The following TRIO variants were observed in gnomAD, a reference collection of about 807,000 sequenced individuals.
The protein encoded by TRIO is trio Rho guanine nucleotide exchange factor.
Under a neutral mutation model 351.9 loss-of-function variants are expected in TRIO, and 58 were observed. That is an observed-to-expected ratio of 0.16 (90% CI 0.13 to 0.21). The LOEUF (loss-of-function observed/expected upper bound fraction) is 0.21, where lower values mean the gene tolerates loss of function less well. Among genes scored for constraint, TRIO ranks in the 10% least tolerant of loss-of-function variants. The pLI is 1.00. For missense variants in TRIO, 3,201 were observed against 4,027.8 expected, an observed-to-expected ratio of 0.79 and a Z score of 5.56; for synonymous variants, 1,758 against 1,595.7, an observed-to-expected ratio of 1.10 and a Z score of -2.42.
At chr5:14,197,834 C>A (rs192434844) in intron 1 of TRIO, among the ~76,000 whole-genome samples, 1 of 152,280 alleles carries the variant, frequency 6.6e-6, no homozygotes, top group East Asian at 1.9e-4. Flanking sequence ...AGGAAAGGAA[C>A]CCTGAATATA....
chr5:14,470,587 A>G (rs1353095751), intron 37 of TRIO, among the ~76,000 whole-genome samples: 1 of 152,264 alleles, frequency 6.6e-6, no homozygotes, highest in Non-Finnish European at 1.5e-5. Flanking sequence ...TTCAACTTAC[A>G]GATTTGCTGA....
intron 33 of TRIO, 143 bp from the exon 34 acceptor site, chr5:14,419,635 G>C: frequency 1.9e-6 from 2 of 1,046,038 alleles, no homozygotes; most frequent in Non-Finnish European, 2.8e-6. Context: ...CATACGGAGA[G>C]TGCAGTGATC....
At chr5:14,204,946 T>A (rs1024762094) in intron 1 of TRIO, among the ~76,000 whole-genome samples, 1 of 152,114 alleles carries the variant, frequency 6.6e-6, no homozygotes, top group African/African-American at 2.4e-5. Context: ...TAGTCAGGGG[T>A]GTTTCTAGCC....
chr5:14,342,561 C>T (rs1742034723), intron 11 of TRIO, among the ~76,000 whole-genome samples: 1 of 152,228 alleles, frequency 6.6e-6, no homozygotes, highest in Admixed American at 6.5e-5. Flanking sequence ...CTCTCTGCAG[C>T]CACAGAACAC....
chr5:14,377,961 G>A, intron 19 of TRIO, 51 bp from the exon 20 acceptor site: 1 of 1,432,742 alleles, frequency 7.0e-7, no homozygotes, highest in Non-Finnish European at 9.7e-7. Context: ...TTTCGCGGTT[G>A]TTTTAATTGA....
At chr5:14,504,216 A>G (rs1757494693) in intron 54 of TRIO, among the ~76,000 whole-genome samples, 177 bp from the exon 55 acceptor site, 1 of 152,202 alleles carries the variant, frequency 6.6e-6, no homozygotes, top group Middle Eastern at 3.2e-3. Flanking sequence ...CTGCGGGGAC[A>G]AGGGCAGATT....
At chr5:14,465,921 T>C (rs1411710883) in intron 37 of TRIO, 1 of 366,452 alleles carries the variant, frequency 2.7e-6, no homozygotes, top group African/African-American at 2.0e-5. Flanking sequence ...AGGGAGTGCC[T>C]GGTTCAAGCT....
In TRIO at chr5:14,461,192, G is replaced by A; in HGVS notation, c.5377G>A (p.Val1793Met). Residue 1793 changes from valine to methionine, a missense_variant, in exon 35 of 57, where the codon GTG becomes ATG. Physicochemically the swap from Val to Met is conservative, Grantham distance 21. Transcript: ENST00000344204. Reference sequence around the variant, plus strand: ...CAGCAGCGGCAAGGCCGACGGGCACGTGAAGAAGCTGGCGCACAAGCACAA... The same window carrying A: ...CAGCAGCGGCAAGGCCGACGGGCACATGAAGAAGCTGGCGCACAAGCACAA... ...RLSSGKADGH[V>M]KKLAHKHKKS... The A allele has an allele frequency of 2.6e-6, 4 of 1,563,946 alleles. No individual in the cohort carries two copies. Among genetic ancestry groups the A allele is most frequent in the Non-Finnish European group, 3.5e-6 (4 of 1,155,002 alleles).
chr5:14,391,884 T>C (rs1747114327), intron 27 of TRIO, among the ~76,000 whole-genome samples: 2 of 152,234 alleles, frequency 1.3e-5, no homozygotes, highest in South Asian at 4.1e-4. Context: ...TCCTGACCAT[T>C]ACATTACACA....
At chr5:14,299,351 C>T (rs1251567943) in intron 7 of TRIO, among the ~76,000 whole-genome samples, 1 of 152,116 alleles carries the variant, frequency 6.6e-6, no homozygotes, top group Admixed American at 6.5e-5. Flanking sequence ...TGTACGGTGG[C>T]CAGAGAAGAA....
At chr5:14,425,413 C>CT (rs1384573226) in intron 34 of TRIO, among the ~76,000 whole-genome samples, 1 of 152,200 alleles carries the variant, frequency 6.6e-6, no homozygotes, top group Non-Finnish European at 1.5e-5. Context: ...TGAATAGCAT[C>CT]CCCTTGTATG....
chr5:14,497,111 C>T lies in TRIO; in HGVS notation c.8019+94C>T. On this transcript the variant is annotated intron_variant, in intron 50 of 56. Transcript: ENST00000344204. This position sits in a 1 kb window ranked among gnomAD's most constrained non-coding sequence, Gnocchi z 4.4. ...CTCTGCAGACCTGAAGCTGGGCTTG[C>T]TTATGACCTCCCTCCCACCCACCAG... is the stretch of plus-strand genomic sequence containing the variant. The T allele has an allele frequency of 6.6e-7, 1 of 1,518,982 alleles. No homozygotes were observed. The highest frequency in any genetic ancestry group is 2.4e-5 in the East Asian group (1 of 41,846). The allele number at this position is 1,518,982 out of a possible 1,614,324, so 94.1% of individuals were successfully genotyped here. A position where few individuals can be genotyped will look rare whatever the true frequency, so the allele number is the denominator to read the frequency against.
chr5:14,368,390 A>T (rs1298707637), intron 16 of TRIO, among the ~76,000 whole-genome samples: 1 of 152,204 alleles, frequency 6.6e-6, no homozygotes, highest in African/African-American at 2.4e-5. Flanking sequence ...AACTTGGAAC[A>T]TTTCAACCAC....
At chr5:14,258,600 C>G (rs1186370958) in intron 1 of TRIO, among the ~76,000 whole-genome samples, 1 of 152,186 alleles carries the variant, frequency 6.6e-6, no homozygotes, top group Non-Finnish European at 1.5e-5. Context: ...TTACCCCACT[C>G]AGATTGGGCA....
intron 1 of TRIO, among the ~76,000 whole-genome samples, chr5:14,205,166 G>T (rs1340792535): frequency 1.3e-5 from 2 of 152,220 alleles, no homozygotes; most frequent in Non-Finnish European, 2.9e-5. Context: ...GAACATCGTT[G>T]TGTAACTGCA....
At chr5:14,398,001 AAGTC>A (rs1185451421) in intron 29 of TRIO, among the ~76,000 whole-genome samples, 1 of 152,190 alleles carries the variant, frequency 6.6e-6, no homozygotes, top group African/African-American at 2.4e-5. Flanking sequence ...GTGGGGAAGA[AAGTC>A]AGGGAGGAAA....
chr5:14,347,050 G>A, intron 11 of TRIO, among the ~76,000 whole-genome samples: 1 of 151,044 alleles, frequency 6.6e-6, no homozygotes, highest in Non-Finnish European at 1.5e-5. Context: ...CTGAGGTCCT[G>A]CAGAACAGAG....
chr5:14,187,947 C>T (rs1334213728), intron 1 of TRIO, among the ~76,000 whole-genome samples: 1 of 152,152 alleles, frequency 6.6e-6, no homozygotes, highest in East Asian at 1.9e-4. Context: ...ATCTTTATTG[C>T]GTGAGAAGCA....
At chr5:14,390,858 C>T (rs1747021287) in intron 26 of TRIO, 43 bp from the exon 27 acceptor site, 2 of 1,526,866 alleles carry the variant, frequency 1.3e-6, no homozygotes, top group African/African-American at 2.8e-5. Context: ...CATGCGTTGA[C>T]TTGTTATGAT....
Sources: allele counts gnomAD v4.1 joint callset (sites outside exome capture counted in the v4.1 genomes callset), GRCh38; gene constraint gnomAD v4.1.1; non-coding constraint Gnocchi (gnomAD v3.1); transcripts MANE v1.5; gene names NCBI Gene and HGNC (gene_info 2026-07-23, HGNC 2026-07-21).